GEN1: variants seen among roughly 807,000 people sequenced by gnomAD.
GEN1 encodes the protein flap endonuclease GEN homolog 1.
In GEN1, 64 loss-of-function variants were observed where a neutral mutation model predicts 67.6. The ratio of observed to expected loss-of-function variants is 0.95; its 90% confidence interval spans 0.77 to 1.17. The LOEUF (loss-of-function observed/expected upper bound fraction) is 1.17. Among genes scored for constraint, GEN1 ranks in the 50% most tolerant of loss-of-function variants. GEN1 has a pLI of 0.00. For missense variants in GEN1, 1,058 were observed against 1,048.3 expected, an observed-to-expected ratio of 1.01 and a Z score of -0.13; for synonymous variants, 371 against 359.4, an observed-to-expected ratio of 1.03 and a Z score of -0.37.
At chr2:17,768,970 T>G (rs1317769027) in intron 6 of GEN1, among the ~76,000 whole-genome samples, 159 bp downstream of exon 6, 1 of 152,144 alleles carries the variant, frequency 6.6e-6, no homozygotes, top group Non-Finnish European at 1.5e-5. Context: ...TTATTTATTT[T>G]GAAATTTTCC....
chr2:17,764,416 A>T (rs1251693215), intron 3 of GEN1, among the ~76,000 whole-genome samples: 1 of 152,232 alleles, frequency 6.6e-6, no homozygotes, highest in African/African-American at 2.4e-5. Context: ...TCAGAATCTG[A>T]CTATAATAGC....
At chr2:17,753,345 G>C (rs1447183433), upstream of GEN1, among the ~76,000 whole-genome samples, 1 of 152,230 alleles carries the variant, frequency 6.6e-6, no homozygotes, top group Admixed American at 6.5e-5. Context: ...GCCTGGGAGG[G>C]GACGGCCGCC....
At chr2:17,766,472 GAAT>G (rs1671939574) in intron 4 of GEN1, 104 bp from the exon 5 acceptor site, 1 of 658,382 alleles carries the variant, frequency 1.5e-6, no homozygotes, top group African/African-American at 1.9e-5. Flanking sequence ...GCCCAGCCTG[GAAT>G]AATTAAACAT....
At chr2:17,772,863 C>T (rs1042584138) in intron 8 of GEN1, 79 bp downstream of exon 8, 20 of 1,305,978 alleles carry the variant, frequency 1.5e-5, no homozygotes, top group Admixed American at 5.3e-5. Flanking sequence ...TCCATATAAT[C>T]TTTCCCCATA....
chr2:17,772,780 A>T lies in GEN1; in HGVS notation c.949A>T (p.Lys317Ter), dbSNP rs773878519. 6.2e-7 allele frequency: 1 copy of T among 1,604,442 alleles called. No individual in the cohort carries two copies. The highest frequency in any genetic ancestry group is 8.5e-7 in the Non-Finnish European group (1 of 1,175,736). ...RQLSEVENNI[K>*]KKACCCEGFP... ...ACTCAGTGAAGTAGAGAACAATATT[A>T]AGAAGTAAGTTTTTTTAAAAACTCA... is the stretch of plus-strand genomic sequence containing the variant. Residue 317 changes from lysine to a stop codon, truncating the protein, a stop_gained, in exon 8 of 14, where the codon AAG becomes TAG. Coordinates refer to ENST00000381254, the MANE Select transcript of GEN1 (RefSeq NM_001130009.3). LOFTEE classifies it high-confidence loss of function.
In GEN1 at chr2:17,772,654, C is replaced by T. The variant is rs146276503; in HGVS notation, c.823C>T (p.Arg275Cys). 2.3e-5 allele frequency: 37 copies of T among 1,610,354 alleles called. No individual in the cohort carries two copies. Among genetic ancestry groups the T allele is most frequent in the Admixed American group, 2.0e-4 (12 of 59,414 alleles). ...SHPGSPKDHE[R>C]NGCRLCKSDK... ...TAAAGGTTCACCTAAGGATCATGAA[C>T]GTAATGGATGCAGATTATGTAAAAG... The change falls in exon 8 of 14, where the codon CGT (arginine) becomes TGT (cysteine). Residue 275 changes from arginine (R) to cysteine (C), a missense_variant. Coordinates refer to ENST00000381254, the MANE Select transcript of GEN1 (RefSeq NM_001130009.3).
chr2:17,778,319 C>CGTGTGTGTACATATATGTATAT (rs1672607048), intron 12 of GEN1, among the ~76,000 whole-genome samples: 1 of 46,360 alleles, frequency 2.2e-5, no homozygotes, highest in African/African-American at 7.0e-5. Context: ...TATATACACA[C>CGTGTGTGTACATATATGTATAT]ACACGTGTAC....
chr2:17,766,695 C>T lies in GEN1; in HGVS notation c.636+6C>T. The T allele has an allele frequency of 2.1e-6, 3 of 1,442,726 alleles. No individual in the cohort carries two copies. Among genetic ancestry groups the T allele is most frequent in the Non-Finnish European group, 2.9e-6 (3 of 1,025,980 alleles). The allele number at this position is 1,442,726 out of a possible 1,614,324, so 89.4% of individuals were successfully genotyped here. A position where few individuals can be genotyped will look rare whatever the true frequency, so the allele number is the denominator to read the frequency against. ...GCTGTGATTATCTCCCAAAGGTAAG[C>T]TGAAATTGTCATATTTATTTGCTAT... is the stretch of plus-strand genomic sequence containing the variant. On this transcript the variant is annotated splice_donor_region_variant and intron_variant, in intron 5 of 13. Transcript: ENST00000381254.
intron 8 of GEN1, 135 bp from the exon 9 acceptor site, chr2:17,772,961 T>C (rs973728683): frequency 2.5e-6 from 2 of 808,970 alleles, no homozygotes; most frequent in Middle Eastern, 3.7e-4. Context: ...GTAATAGTTA[T>C]TCAAAGGGAA....
Position 17,778,191 on chromosome 2 carries a change from C to CACATAGATATGTGTATATATATAT in GEN1, c.1264+131_1264+132insTAGATATGTGTATATATATATACA, listed in dbSNP as rs1558408595. 1.2e-5 allele frequency: 5 copies of CACATAGATATGTGTATATATATAT among 404,188 alleles called. No individual in the cohort carries two copies. In the South Asian group the frequency reaches 1.5e-4, roughly 12 times the overall value. 25.0% of individuals were successfully genotyped at this position (404,188 alleles called of 1,614,324 possible). ...AGATATGTGTATATATATATATACA[C>CACATAGATATGTGTATATATATAT]ACACACATATATGTGTATATATATG... On this transcript the variant is annotated intron_variant, in intron 12 of 13. Coordinates refer to ENST00000381254, the MANE Select transcript of GEN1 (RefSeq NM_001130009.3).
At chr2:17,759,217 T>G (rs1671561068) in intron 1 of GEN1, among the ~76,000 whole-genome samples, 1 of 152,026 alleles carries the variant, frequency 6.6e-6, no homozygotes, top group South Asian at 2.1e-4. Context: ...TACCAAATAA[T>G]AACAAAGGGA....
chr2:17,770,057 A>G (rs925706450), intron 6 of GEN1, among the ~76,000 whole-genome samples: 1 of 152,178 alleles, frequency 6.6e-6, no homozygotes, highest in Admixed American at 6.5e-5. Flanking sequence ...GACATCAGTT[A>G]TTACTGTGCC....
At chr2:17,762,032 T>G (rs898775431) in intron 3 of GEN1, among the ~76,000 whole-genome samples, 5 of 152,092 alleles carry the variant, frequency 3.3e-5, no homozygotes, top group African/African-American at 1.2e-4. Context: ...ATATTTGGCT[T>G]CCCTTAGGGC....
rs10192780 is a variant in GEN1 at position 17,766,481 on chromosome 2, A to G, written c.526-98A>G. ...CACCATGCCCAGCCTGGAATAATTA[A>G]ACATTTAAAGATAACATTGACAAAT... On this transcript the variant is annotated intron_variant, in intron 4 of 13. Transcript: ENST00000381254. The G allele has an allele frequency of 0.015, 10,860 of 700,998 alleles. 432 individuals are homozygous for G. The highest frequency in any genetic ancestry group is 0.11 in the African/African-American group (6,070 of 54,446). 43.4% of individuals were successfully genotyped at this position (700,998 alleles called of 1,614,324 possible). A position where few individuals can be genotyped will look rare whatever the true frequency, so the allele number is the denominator to read the frequency against.
intron 10 of GEN1, among the ~76,000 whole-genome samples, chr2:17,773,667 T>C (rs760482458): frequency 1.3e-5 from 2 of 152,116 alleles, no homozygotes; most frequent in Non-Finnish European, 2.9e-5. Context: ...AATTTAAATT[T>C]GGACCGTATT....
In GEN1 at chr2:17,754,141, G is replaced by C. The variant is rs1056748144; in HGVS notation, c.-220G>C. ...GGCGGGGCCGCGCGGGCCCGGCGCT[G>C]GATTCGAAACGCTTCCTGGTGCTCC... On this transcript the variant is annotated 5_prime_UTR_variant, in exon 1 of 14. Transcript: ENST00000381254. 28 of 152,328 alleles carry C rather than the reference G, an allele frequency of 1.8e-4. No individual in the cohort carries two copies. Among genetic ancestry groups the C allele is most frequent in the African/African-American group, 6.7e-4 (28 of 41,534 alleles). 9.4% of individuals were successfully genotyped at this position (152,328 alleles called of 1,614,324 possible).
chr2:17,774,233 G>A (rs1397179642), intron 10 of GEN1, 38 bp from the exon 11 acceptor site: 16 of 1,249,394 alleles, frequency 1.3e-5, no homozygotes, highest in Non-Finnish European at 1.8e-5. Flanking sequence ...GTCTCCAAGA[G>A]ATAACAAAAT....
intron 7 of GEN1, 27 bp from the exon 8 acceptor site, chr2:17,772,604 ATAT>A (rs1468048190): frequency 3.8e-6 from 6 of 1,569,206 alleles, no homozygotes; most frequent in East Asian, 2.2e-5. Flanking sequence ...AAGGCAAAAA[ATAT>A]TATACTTTTT....
chr2:17,758,685 C>T (rs1305699044), intron 1 of GEN1, among the ~76,000 whole-genome samples: 1 of 152,018 alleles, frequency 6.6e-6, no homozygotes, highest in Non-Finnish European at 1.5e-5. Flanking sequence ...GAAATGAGTA[C>T]ACAGAATAAT....
Sources: gnomAD v4.1 joint callset for allele counts (sites outside exome capture counted in the v4.1 genomes callset) on GRCh38, gnomAD v4.1.1 for gene constraint, MANE v1.5 for transcripts, NCBI Gene and HGNC (gene_info 2026-07-23, HGNC 2026-07-21) for gene names.